The following ITPR2 variants were observed in gnomAD, a reference collection of about 807,000 sequenced individuals.
ITPR2 encodes the protein inositol 1,4,5-trisphosphate-gated calcium channel ITPR2.
ITPR2 carries 207 observed loss-of-function variants against 317.1 expected under a neutral mutation model. That is an observed-to-expected ratio of 0.65 (90% confidence interval 0.58 to 0.73). The LOEUF (loss-of-function observed/expected upper bound fraction) is 0.73. ITPR2 is among the 30% of genes least tolerant of loss of function. The pLI is 0.00. For synonymous variants in ITPR2, 1,156 were observed against 1,149.1 expected, an observed-to-expected ratio of 1.01 and a Z score of -0.12; for missense variants, 2,613 against 3,284.0, an observed-to-expected ratio of 0.80 and a Z score of 4.99.
At chr12:26,341,754 G>C (rs1321577912) in intron 55 of ITPR2, among the ~76,000 whole-genome samples, 2 of 152,218 alleles carry the variant, frequency 1.3e-5, no homozygotes, top group African/African-American at 4.8e-5. Flanking sequence ...AGTCAGATAA[G>C]ACTGTGTGTC....
intron 37 of ITPR2, among the ~76,000 whole-genome samples, chr12:26,520,235 TCA>T (rs1422870463): frequency 6.6e-6 from 1 of 152,192 alleles, no homozygotes; most frequent in Non-Finnish European, 1.5e-5. Flanking sequence ...ATTTTATGGA[TCA>T]CATTTCTACT....
rs114707785 is a variant in ITPR2, at chr12:26,640,338, C to T, written c.2741-8279G>A. Among the ~76,000 whole-genome samples, 876 of 151,800 alleles carry T rather than the reference C, an allele frequency of 5.8e-3. 8 individuals carry two copies. Among genetic ancestry groups the T allele is most frequent in the African/African-American group, 0.019 (804 of 41,340 alleles). On this transcript the variant is annotated intron_variant, in intron 21 of 56. Coordinates refer to ENST00000381340, the MANE Select transcript of ITPR2 (RefSeq NM_002223.4). ...TGTTTACCTATGTAACAAACCGCTA[C>T]GTCCTAAACATTTATCCCAGAACTT...
chr12:26,550,641 C>A (rs1290637476), intron 36 of ITPR2, among the ~76,000 whole-genome samples: 1 of 151,892 alleles, frequency 6.6e-6, no homozygotes, highest in East Asian at 1.9e-4. Context: ...TACTAATATT[C>A]TCACCCCAAT....
chr12:26,752,065 A>C (rs1949433452), intron 2 of ITPR2, among the ~76,000 whole-genome samples: 1 of 152,200 alleles, frequency 6.6e-6, no homozygotes, highest in Non-Finnish European at 1.5e-5. Context: ...AAAATTTGTT[A>C]AATTTTCACA....
intron 21 of ITPR2, among the ~76,000 whole-genome samples, chr12:26,652,557 C>T (rs370343549): frequency 6.6e-6 from 1 of 152,236 alleles, no homozygotes; most frequent in South Asian, 2.1e-4. Context: ...GCTCTTATTG[C>T]CCCAGCTGCT....
intron 37 of ITPR2, among the ~76,000 whole-genome samples, chr12:26,549,340 A>G (rs1258259857): frequency 1.3e-5 from 2 of 152,208 alleles, no homozygotes; most frequent in African/African-American, 4.8e-5. Context: ...ATTTTGAAGC[A>G]ATGCTCTTTC....
intron 54 of ITPR2, among the ~76,000 whole-genome samples, chr12:26,388,250 C>T (rs1479992555): frequency 1.3e-5 from 2 of 152,014 alleles, no homozygotes; most frequent in South Asian, 2.1e-4. Flanking sequence ...TCTTTTCTCT[C>T]AAAGTTAGAG....
chr12:26,510,264 C>T (rs1002743645), intron 37 of ITPR2, among the ~76,000 whole-genome samples: 3 of 152,110 alleles, frequency 2.0e-5, no homozygotes, highest in Non-Finnish European at 4.4e-5. Context: ...ATAATTACAA[C>T]CAGGCTACTC....
intron 1 of ITPR2, among the ~76,000 whole-genome samples, chr12:26,792,850 G>A (rs1248251335): frequency 2.0e-5 from 3 of 152,140 alleles, no homozygotes; most frequent in Non-Finnish European, 2.9e-5. Flanking sequence ...GCTTCTCCAT[G>A]TGGATATTTA....
At chr12:26,749,080 T>A (rs1284509931) in intron 2 of ITPR2, among the ~76,000 whole-genome samples, 1 of 152,240 alleles carries the variant, frequency 6.6e-6, no homozygotes, top group Non-Finnish European at 1.5e-5. Context: ...CTCAAATACC[T>A]GCAGTCTTTC....
At chr12:26,680,304 T>A (rs929779962) in intron 13 of ITPR2, among the ~76,000 whole-genome samples, 3 of 152,172 alleles carry the variant, frequency 2.0e-5, no homozygotes, top group African/African-American at 7.2e-5. Flanking sequence ...GGTATATGTA[T>A]ATATTGAATT....
chr12:26,545,744 C>G (rs928290204), intron 37 of ITPR2, among the ~76,000 whole-genome samples: 49 of 152,190 alleles, frequency 3.2e-4, no homozygotes, highest in Non-Finnish European at 1.5e-4. Flanking sequence ...CTTTTTGAAT[C>G]TATCATCCAA....
intron 14 of ITPR2, among the ~76,000 whole-genome samples, chr12:26,664,648 T>C (rs914354214): frequency 2.0e-5 from 3 of 152,254 alleles, no homozygotes; most frequent in African/African-American, 7.2e-5. Context: ...AAATATGATA[T>C]GAACTAAAGT....
In ITPR2 at chr12:26,580,072, G is replaced by A. The variant is rs547669255; in HGVS notation, c.4464C>T (p.Ser1488=). The part of the protein sequence containing the change: ...CVTESIMNIV[S]GFFNSPFSDN... Reference sequence around the variant, plus strand: ...CTGAAAAGGGAGAATTAAAGAAGCCGCTCACAATATTCATTATTGACTCAG... The same window carrying A: ...CTGAAAAGGGAGAATTAAAGAAGCCACTCACAATATTCATTATTGACTCAG... The change falls in exon 33 of 57, where the codon AGC becomes AGT. Residue 1488 remains serine (S), a synonymous_variant. Coordinates refer to ENST00000381340, the MANE Select transcript of ITPR2 (RefSeq NM_002223.4). 377 of 1,610,922 alleles carry A rather than the reference G, an allele frequency of 2.3e-4. No homozygotes were observed. The South Asian group carries it at 3.8e-3, about 16-fold the overall frequency.
intron 36 of ITPR2, among the ~76,000 whole-genome samples, chr12:26,554,578 G>A (rs1030813026): frequency 2.0e-5 from 3 of 152,154 alleles, no homozygotes; most frequent in African/African-American, 7.2e-5. Flanking sequence ...ACAGAAATGA[G>A]TAGCAGGACC....
At chr12:26,584,394 C>A (rs1945471728) in intron 32 of ITPR2, among the ~76,000 whole-genome samples, 2 of 152,160 alleles carry the variant, frequency 1.3e-5, no homozygotes, top group Admixed American at 6.5e-5. Flanking sequence ...ACATGCAGCA[C>A]CTCAGCATAT....
rs769349419 is a variant in ITPR2, at chr12:26,665,951, C to G, written c.1510G>C (p.Glu504Gln). Residue 504 changes from glutamate (E) to glutamine (Q), a missense_variant, in exon 14 of 57, where the codon GAG (glutamate) becomes CAG (glutamine). By Grantham distance (29) the Glu-to-Gln change is conservative. This residue lies in a region of ITPR2 where 515 missense variants were observed against 789.4 expected (regional missense o/e 0.65). Transcript: ENST00000381340. The stretch of plus-strand genomic sequence containing the variant: ...TGTTCCCTCATCAATTTTTGACGCT[C>G]TCGGTTTGGCTTAGTGATAACCACA... ...LDVVITKPNR[E>Q]RQKLMREQNI... 3.7e-6 allele frequency: 6 copies of G among 1,613,778 alleles called. No homozygotes were observed. The highest frequency in any genetic ancestry group is 5.1e-6 in the Non-Finnish European group (6 of 1,179,888).
intron 48 of ITPR2, among the ~76,000 whole-genome samples, chr12:26,433,985 A>G (rs1240559210): frequency 6.6e-6 from 1 of 152,166 alleles, no homozygotes; most frequent in African/African-American, 2.4e-5. Context: ...ATTTAAAAAT[A>G]TATAGGGTAA....
intron 55 of ITPR2, among the ~76,000 whole-genome samples, chr12:26,380,954 G>A (rs1939491292): frequency 1.3e-5 from 2 of 152,306 alleles, no homozygotes; most frequent in South Asian, 4.1e-4. Context: ...ATTAAAGTAT[G>A]ACCTTTCTTT....
Sources: gnomAD v4.1 joint callset for allele counts (sites outside exome capture counted in the v4.1 genomes callset) on GRCh38, gnomAD v4.1.1 for gene constraint, gnomAD v4.1.1 regional missense constraint, MANE v1.5 for transcripts, NCBI Gene and HGNC (gene_info 2026-07-23, HGNC 2026-07-21) for gene names.